Variants in PPFIA1 observed in about 807,000 individuals in gnomAD.
The protein encoded by PPFIA1 is PPFI scaffold protein A1.
PPFIA1 carries 25 observed loss-of-function variants against 149.9 expected under a neutral mutation model. The observed-to-expected ratio is 0.17, with a 90% CI of 0.12 to 0.23. The LOEUF (loss-of-function observed/expected upper bound fraction) is 0.23, where lower values mean the gene tolerates loss of function less well. Among genes scored for constraint, PPFIA1 ranks in the 10% least tolerant of loss-of-function variants. PPFIA1 has a pLI of 1.00. For missense variants in PPFIA1, 1,362 were observed against 1,506.5 expected, an observed-to-expected ratio of 0.90 and a Z score of 1.59; for synonymous variants, 549 against 552.8, an observed-to-expected ratio of 0.99 and a Z score of 0.10.
chr11:70,367,255 TC>T (rs1477756493), intron 21 of PPFIA1, among the ~76,000 whole-genome samples: 1 of 152,192 alleles, frequency 6.6e-6, no homozygotes, highest in African/African-American at 2.4e-5. Context: ...CTTCCTGTCT[TC>T]CAGATGGGAC....
chr11:70,330,839 A>T (rs1036586110), intron 8 of PPFIA1, among the ~76,000 whole-genome samples: 6 of 152,290 alleles, frequency 3.9e-5, no homozygotes, highest in African/African-American at 1.2e-4. Context: ...CAGGAGGCTA[A>T]GGAGGGAGGA....
chr11:70,354,597 T>C, intron 17 of PPFIA1, 145 bp downstream of exon 17: 1 of 905,302 alleles, frequency 1.1e-6, no homozygotes, highest in Non-Finnish European at 1.6e-6. Context: ...ATGTTACACT[T>C]AGAATGCTTA....
chr11:70,325,037 T>C, intron 4 of PPFIA1, 26 bp downstream of exon 4: 2 of 1,588,244 alleles, frequency 1.3e-6, no homozygotes, highest in Non-Finnish European at 1.7e-6. Flanking sequence ...TAAGTCTTGG[T>C]TTGTGCACAT....
intron 14 of PPFIA1, among the ~76,000 whole-genome samples, 165 bp from the exon 15 acceptor site, chr11:70,343,504 A>G (rs985150100): frequency 9.2e-5 from 14 of 152,112 alleles, no homozygotes; most frequent in Admixed American, 2.6e-4. Flanking sequence ...GCCCTCCCCA[A>G]TTTCTTAAAT....
chr11:70,372,622 G>A, intron 23 of PPFIA1, 48 bp downstream of exon 23: 1 of 1,482,164 alleles, frequency 6.7e-7, no homozygotes, highest in Non-Finnish European at 9.3e-7. Flanking sequence ...ACTTGCTGGT[G>A]TGTTTGGAGC....
At chr11:70,353,257 C>G (rs138766009) in intron 16 of PPFIA1, among the ~76,000 whole-genome samples, 11 of 152,276 alleles carry the variant, frequency 7.2e-5, no homozygotes, top group African/African-American at 2.6e-4. Flanking sequence ...TGTAGTCCCA[C>G]CTACTTTGGA....
Position 70,360,587 on chromosome 11 carries a change from C to T in PPFIA1, c.2583-1508C>T, listed in dbSNP as rs115886504. The stretch of plus-strand genomic sequence containing the variant: ...CCACTGGTGTGTGAAGGAAGCTCTA[C>T]TGGCTGTCTTTGAGTGGCATTTGTC... On this transcript the variant is annotated intron_variant, in intron 19 of 27. Coordinates refer to ENST00000253925, the MANE Select transcript of PPFIA1 (RefSeq NM_003626.5). Among the ~76,000 whole-genome samples the T allele has an allele frequency of 1.7e-3, 266 of 152,378 alleles. 2 individuals carry two copies. Among genetic ancestry groups the T allele is most frequent in the African/African-American group, 5.5e-3 (230 of 41,606 alleles).
chr11:70,342,327 G>T (rs908507801), intron 14 of PPFIA1, among the ~76,000 whole-genome samples: 1 of 152,204 alleles, frequency 6.6e-6, no homozygotes, highest in Non-Finnish European at 1.5e-5. Context: ...TTGTCTCCAT[G>T]AAATGGGAAG....
chr11:70,286,077 T>A (rs1263004344), intron 2 of PPFIA1, among the ~76,000 whole-genome samples: 1 of 152,192 alleles, frequency 6.6e-6, no homozygotes, highest in Non-Finnish European at 1.5e-5. Context: ...CTGCCCACTG[T>A]ACTCCTCCAC....
At chr11:70,374,889 C>T in intron 23 of PPFIA1, 29 bp from the exon 24 acceptor site, 1 of 1,604,244 alleles carries the variant, frequency 6.2e-7, no homozygotes, top group Non-Finnish European at 8.5e-7. Flanking sequence ...TCTGAAGCCA[C>T]TTTTATAATT....
intron 16 of PPFIA1, among the ~76,000 whole-genome samples, chr11:70,351,758 C>T (rs746252458): frequency 7.9e-5 from 12 of 152,168 alleles, no homozygotes; most frequent in Non-Finnish European, 1.3e-4. Context: ...AGAGGCCCCA[C>T]AGTGCACAGT....
At chr11:70,365,700 C>T (rs938567716) in intron 21 of PPFIA1, 1 of 354,350 alleles carries the variant, frequency 2.8e-6, no homozygotes. Flanking sequence ...GTTGAGCCTC[C>T]ATGTGACTGA....
intron 2 of PPFIA1, among the ~76,000 whole-genome samples, chr11:70,295,223 G>A (rs1224946911): frequency 3.4e-5 from 5 of 145,538 alleles, no homozygotes; most frequent in South Asian, 2.2e-4. Flanking sequence ...GTGGCTGGCC[G>A]GGCGAGGGGC....
rs1391631734 is a variant in PPFIA1, at chr11:70,325,014, G to A, written c.531+3G>A. On this transcript the variant is annotated splice_donor_region_variant and intron_variant, in intron 4 of 27. Coordinates refer to ENST00000253925, the MANE Select transcript of PPFIA1 (RefSeq NM_003626.5). ...ACCACAAAGCTCTGGATGAAAAGGT[G>A]CCATCAGCCACATAAGTCTTGGTTT... 2.5e-6 allele frequency: 4 copies of A among 1,602,540 alleles called. No homozygotes were observed. Among genetic ancestry groups the A allele is most frequent in the Non-Finnish European group, 3.4e-6 (4 of 1,176,292 alleles).
chr11:70,342,936 CTTTTTT>C (rs71463672), intron 14 of PPFIA1, among the ~76,000 whole-genome samples: 33 of 78,164 alleles, frequency 4.2e-4, no homozygotes, highest in African/African-American at 2.0e-3. Context: ...AATGTACCAC[CTTTTTT>C]TTTTTTTTTT....
At chr11:70,276,902 C>T (rs1020511433) in intron 2 of PPFIA1, among the ~76,000 whole-genome samples, 2 of 150,724 alleles carry the variant, frequency 1.3e-5, no homozygotes, top group African/African-American at 2.4e-5. Flanking sequence ...CTTAATCAGT[C>T]TTGTTGGGGG....
At chr11:70,299,303 G>A (rs1380130879) in intron 2 of PPFIA1, among the ~76,000 whole-genome samples, 2 of 152,102 alleles carry the variant, frequency 1.3e-5, no homozygotes, top group African/African-American at 2.4e-5. Context: ...GAATAAAATG[G>A]TTTTCTTTTT....
chr11:70,347,546 A>T (rs116403676), intron 15 of PPFIA1, among the ~76,000 whole-genome samples: 2,193 of 152,230 alleles, frequency 0.014, 51 homozygotes, highest in African/African-American at 0.05. Context: ...TACAAAAAAA[A>T]TTTTAAAAGA....
chr11:70,363,944 G>T (rs2056792829), intron 21 of PPFIA1, among the ~76,000 whole-genome samples: 1 of 151,138 alleles, frequency 6.6e-6, no homozygotes, highest in African/African-American at 2.4e-5. Flanking sequence ...AGGCTGGTCT[G>T]GAACTCCTGG....
Sources: gnomAD v4.1 joint callset for allele counts (sites outside exome capture counted in the v4.1 genomes callset) on GRCh38, gnomAD v4.1.1 for gene constraint, MANE v1.5 for transcripts, NCBI Gene and HGNC (gene_info 2026-07-23, HGNC 2026-07-21) for gene names.